The following RAI1 variants were observed in gnomAD, a reference collection of about 807,000 sequenced individuals.
The protein encoded by RAI1 is retinoic acid-induced protein 1.
Under a neutral mutation model 123.8 loss-of-function variants are expected in RAI1, and 9 were observed. That is an observed-to-expected ratio of 0.07 (90% CI 0.04 to 0.13). The LOEUF (loss-of-function observed/expected upper bound fraction) is 0.13. RAI1 is among the 10% of genes least tolerant of loss of function. The probability of loss-of-function intolerance (pLI) is 1.00; values close to 1 mark genes in which losing one functional copy is unlikely to be tolerated. For missense variants in RAI1, 2,256 were observed against 2,545.8 expected (o/e 0.89, Z 2.45); for synonymous variants, 1,231 against 1,127.3 (o/e 1.09, Z -1.84).
intron 1 of RAI1, chr17:17,684,718 A>G (rs985576243): frequency 6.8e-6 from 1 of 148,134 alleles, no homozygotes; most frequent in African/African-American, 2.5e-5. Context: ...GTATGTATGT[A>G]TGTATATTAC....
intron 2 of RAI1, among the ~76,000 whole-genome samples, chr17:17,753,330 T>A (rs1333413944): frequency 6.6e-6 from 1 of 152,212 alleles, no homozygotes; most frequent in African/African-American, 2.4e-5. Flanking sequence ...TGCTGTGCCT[T>A]GTCCTGGCTT....
chr17:17,708,467 T>C (rs1190283770), intron 1 of RAI1, among the ~76,000 whole-genome samples: 1 of 151,786 alleles, frequency 6.6e-6, no homozygotes, highest in East Asian at 1.9e-4. Flanking sequence ...AGAGACAGAG[T>C]CTCACTATGT....
At chr17:17,682,979 A>C (rs992706811) in intron 1 of RAI1, among the ~76,000 whole-genome samples, 11 of 151,584 alleles carry the variant, frequency 7.3e-5, no homozygotes, top group Admixed American at 5.9e-4. Flanking sequence ...CGCGCCGCAC[A>C]CTCTCCCGCG....
intron 2 of RAI1, among the ~76,000 whole-genome samples, chr17:17,761,097 C>G (rs1356737348): frequency 6.6e-6 from 1 of 152,230 alleles, no homozygotes; most frequent in East Asian, 1.9e-4. Flanking sequence ...TCCTTGTCCT[C>G]TCTGTGCTCA....
At chr17:17,783,565 A>G (rs942894737) in intron 2 of RAI1, among the ~76,000 whole-genome samples, 1 of 152,106 alleles carries the variant, frequency 6.6e-6, no homozygotes, top group Admixed American at 6.5e-5. Context: ...AACAACCCCC[A>G]CACACCCTGC....
At chr17:17,727,964 G>A (rs986921369) in intron 2 of RAI1, among the ~76,000 whole-genome samples, 19 of 152,052 alleles carry the variant, frequency 1.2e-4, no homozygotes, top group African/African-American at 4.3e-4. Context: ...CCAACCATCC[G>A]TGTGCCTCTG....
chr17:17,745,115 CTG>C (rs1303729422), intron 2 of RAI1, among the ~76,000 whole-genome samples: 1 of 152,118 alleles, frequency 6.6e-6, no homozygotes, highest in East Asian at 1.9e-4. Context: ...AGGGAACTAA[CTG>C]TGGGTTGGCA....
At chr17:17,786,571 G>C (rs1191763938) in intron 2 of RAI1, among the ~76,000 whole-genome samples, 1 of 152,224 alleles carries the variant, frequency 6.6e-6, no homozygotes, top group Non-Finnish European at 1.5e-5. Flanking sequence ...CCAAGACTTG[G>C]AGCCAGGGTA....
intron 2 of RAI1, among the ~76,000 whole-genome samples, chr17:17,781,504 TC>T (rs945729912): frequency 6.6e-6 from 1 of 151,190 alleles, no homozygotes; most frequent in African/African-American, 2.4e-5. Context: ...TACTTGAACT[TC>T]CTGCGGCCTC....
rs2143004741 is a variant in RAI1 at position 17,801,943 on chromosome 17, A to ATG, written c.5566-1813_5566-1812insTG. The ATG allele has an allele frequency of 2.5e-6, 1 of 405,098 alleles. No individual in the cohort carries two copies. Among genetic ancestry groups the ATG allele is most frequent in the Non-Finnish European group, 5.0e-6 (1 of 199,690 alleles). The allele number at this position is 405,098 out of a possible 1,614,324, so 25.1% of individuals were successfully genotyped here. A position where few individuals can be genotyped will look rare whatever the true frequency, so the allele number is the denominator to read the frequency against. On this transcript the variant is annotated intron_variant, in intron 3 of 5. Coordinates refer to ENST00000353383, the MANE Select transcript of RAI1 (RefSeq NM_030665.4). This position sits in a 1 kb window ranked among gnomAD's most constrained non-coding sequence, Gnocchi z 4.1. ...CATGAGGCTTCCAGCCATGCCTGGC[A>ATG]CATAGGAAGCTATTGTCGTTTGTTT...
rs140882060 is a variant in RAI1, at chr17:17,755,269, G to A, written c.-17+31110G>A. 2.1e-3 allele frequency among the ~76,000 whole-genome samples: 321 copies of A among 152,364 alleles called. 1 individual carries two copies. Among genetic ancestry groups the A allele is most frequent in the Admixed American group, 3.9e-3 (59 of 15,308 alleles). ...GCATGGTGTGTAATACAGCTCTATG[G>A]AATGCTGAGTGGCTGATTAAGTGGG... On this transcript the variant is annotated intron_variant, in intron 2 of 5. Coordinates refer to ENST00000353383, the MANE Select transcript of RAI1 (RefSeq NM_030665.4).
intron 2 of RAI1, among the ~76,000 whole-genome samples, chr17:17,759,959 A>G (rs1394776631): frequency 6.6e-6 from 1 of 152,204 alleles, no homozygotes; most frequent in Non-Finnish European, 1.5e-5. Context: ...AATAGATGGA[A>G]GTTTTTCAGG....
At chr17:17,753,280 C>T (rs1000708898) in intron 2 of RAI1, among the ~76,000 whole-genome samples, 11 of 152,216 alleles carry the variant, frequency 7.2e-5, no homozygotes, top group African/African-American at 2.7e-4. Context: ...CCGACCAGAC[C>T]TGGGAGCCCC....
intron 1 of RAI1, among the ~76,000 whole-genome samples, chr17:17,694,866 C>G (rs1181334279): frequency 1.3e-5 from 2 of 151,832 alleles, no homozygotes; most frequent in African/African-American, 2.4e-5. Flanking sequence ...CCTGGCGGAT[C>G]CCGGGTCTTT....
At chr17:17,700,456 C>G (rs1376746210) in intron 1 of RAI1, among the ~76,000 whole-genome samples, 2 of 151,892 alleles carry the variant, frequency 1.3e-5, no homozygotes, top group Non-Finnish European at 2.9e-5. Flanking sequence ...CGGGGGTGGC[C>G]GCCATCAAAG....
At chr17:17,695,515 T>G (rs1423955800) in intron 1 of RAI1, among the ~76,000 whole-genome samples, 1 of 149,288 alleles carries the variant, frequency 6.7e-6, no homozygotes, top group Non-Finnish European at 1.5e-5. Flanking sequence ...TTCTTTCCCC[T>G]GGTCTTTCTC....
Position 17,718,737 on chromosome 17 carries a change from C to T in RAI1, c.-148-5291C>T, listed in dbSNP as rs180812035. 7.3e-4 allele frequency among the ~76,000 whole-genome samples: 111 copies of T among 152,178 alleles called. 3 individuals are homozygous for T. The South Asian group carries it at 0.012, about 16-fold the overall frequency. Reference sequence around the variant, plus strand: ...AAAAGGGGATATTAAGGCTGGGAAACTGGGAAGGTGACTGGGGTAGATGAC... The same window carrying T: ...AAAAGGGGATATTAAGGCTGGGAAATTGGGAAGGTGACTGGGGTAGATGAC... On this transcript the variant is annotated intron_variant, in intron 1 of 5. Transcript: ENST00000353383.
intron 1 of RAI1, among the ~76,000 whole-genome samples, chr17:17,700,494 C>T (rs537743923): frequency 7.9e-5 from 12 of 152,086 alleles, no homozygotes; most frequent in Admixed American, 3.3e-4. Context: ...GCTAATGAGC[C>T]CCATTAAAGC....
At chr17:17,791,905 A>G (rs1195752349) in intron 2 of RAI1, among the ~76,000 whole-genome samples, 1 of 152,070 alleles carries the variant, frequency 6.6e-6, no homozygotes, top group African/African-American at 2.4e-5. Flanking sequence ...AGGCAGGGGC[A>G]GGTTAGACCC....
Sources: allele counts gnomAD v4.1 joint callset (sites outside exome capture counted in the v4.1 genomes callset), GRCh38; gene constraint gnomAD v4.1.1; non-coding constraint Gnocchi (gnomAD v3.1); transcripts MANE v1.5; gene names NCBI Gene and HGNC (gene_info 2026-07-23, HGNC 2026-07-21).